DLG2: variants seen among roughly 807,000 people sequenced by gnomAD.
DLG2 encodes discs large MAGUK scaffold protein 2.
DLG2 carries 45 observed loss-of-function variants against 132.5 expected under a neutral mutation model. That is an observed-to-expected ratio of 0.34 (90% CI 0.27 to 0.44). The LOEUF (loss-of-function observed/expected upper bound fraction) is 0.44. Ranked by LOEUF, DLG2 falls within the 20% of genes least tolerant of loss-of-function variation. The pLI is 1.00. For missense variants in DLG2, 1,045 were observed against 1,196.9 expected (o/e 0.87, Z 1.87); for synonymous variants, 424 against 419.6 (o/e 1.01, Z -0.13).
chr11:83,793,502 C>G (rs1566983127), intron 17 of DLG2, among the ~76,000 whole-genome samples: 1 of 152,164 alleles, frequency 6.6e-6, no homozygotes, highest in Non-Finnish European at 1.5e-5. Flanking sequence ...GTTTCCTTTA[C>G]AGCATAAGAT....
At chr11:83,901,255 C>G (rs2073340633) in intron 15 of DLG2, among the ~76,000 whole-genome samples, 2 of 152,096 alleles carry the variant, frequency 1.3e-5, no homozygotes, top group South Asian at 4.1e-4. Context: ...TGAGTTAATA[C>G]TGAAATGAGT....
rs564395830 is a variant in DLG2 at position 85,468,168 on chromosome 11, AT to A, written c.40+130488del. On this transcript the variant is annotated intron_variant, in intron 3 of 27. Transcript: ENST00000376104. ...GATCGATGGTGATATCCCCTTTATCATTTTTTTTTTGCATCTATTTGATTCT... is the reference window on the plus strand; with the variant it reads ...GATCGATGGTGATATCCCCTTTATCATTTTTTTTTGCATCTATTTGATTCT... 3.1e-3 allele frequency among the ~76,000 whole-genome samples: 455 copies of A among 146,286 alleles called. 4 individuals carry two copies. Among genetic ancestry groups the A allele is most frequent in the African/African-American group, 8.0e-3 (320 of 40,090 alleles).
At chr11:84,592,473 T>G (rs1332469470) in intron 6 of DLG2, among the ~76,000 whole-genome samples, 9 of 152,128 alleles carry the variant, frequency 5.9e-5, no homozygotes, top group African/African-American at 2.2e-4. Flanking sequence ...AAATGGGATC[T>G]AATTAAACCA....
intron 6 of DLG2, chr11:84,640,497 G>T: frequency 2.3e-6 from 1 of 441,106 alleles, no homozygotes; most frequent in South Asian, 2.0e-5. Context: ...TAAAAACAAA[G>T]ATATCAGAAA....
chr11:84,851,304 G>C (rs1330279840), intron 6 of DLG2, among the ~76,000 whole-genome samples: 2 of 151,986 alleles, frequency 1.3e-5, no homozygotes, highest in Non-Finnish European at 2.9e-5. Flanking sequence ...CATGCATATT[G>C]TTGCACATAT....
At chr11:84,340,154 A>C (rs574142382) in intron 7 of DLG2, among the ~76,000 whole-genome samples, 1 of 152,280 alleles carries the variant, frequency 6.6e-6, no homozygotes, top group South Asian at 2.1e-4. Flanking sequence ...TATCTAAAGA[A>C]GGCAATATTG....
At chr11:85,340,422 A>G (rs1456018803) in intron 3 of DLG2, among the ~76,000 whole-genome samples, 1 of 146,626 alleles carries the variant, frequency 6.8e-6, no homozygotes. Flanking sequence ...TCTCATTCAT[A>G]TGTGGGAATT....
At chr11:84,571,001 G>A (rs1352318993) in intron 6 of DLG2, among the ~76,000 whole-genome samples, 3 of 152,022 alleles carry the variant, frequency 2.0e-5, no homozygotes, top group African/African-American at 4.8e-5. Flanking sequence ...AGAACAGTTA[G>A]CACTTCTGTT....
At chr11:83,773,845 A>G (rs948158320) in intron 18 of DLG2, among the ~76,000 whole-genome samples, 5 of 152,204 alleles carry the variant, frequency 3.3e-5, no homozygotes, top group African/African-American at 9.7e-5. Flanking sequence ...ACAAAACATG[A>G]TGCTCTCATG....
chr11:85,134,630 T>TGA (rs891830471), intron 5 of DLG2, among the ~76,000 whole-genome samples: 1 of 151,698 alleles, frequency 6.6e-6, no homozygotes, highest in Non-Finnish European at 1.5e-5. Context: ...CATGAATTAT[T>TGA]GAGGTTCTAA....
intron 6 of DLG2, among the ~76,000 whole-genome samples, chr11:84,537,134 C>T (rs1190770793): frequency 6.6e-6 from 1 of 152,092 alleles, no homozygotes; most frequent in East Asian, 1.9e-4. Flanking sequence ...AGACGGACTC[C>T]AGCTCTTGTC....
rs189340538 is a variant in DLG2 at position 83,602,282 on chromosome 11, C to T, written c.1940+30929G>A. Among the ~76,000 whole-genome samples the T allele has an allele frequency of 5.0e-3, 766 of 152,284 alleles. 7 individuals are homozygous for T. The highest frequency in any genetic ancestry group is 7.0e-3 in the Non-Finnish European group (479 of 68,020). ...TTACAAAACACTTAATTGATTTGAC[C>T]CGTGCTCTGACACAACACTTTGCAA... On this transcript the variant is annotated intron_variant, in intron 19 of 27. Transcript: ENST00000376104.
chr11:85,466,577 T>C (rs1043114275), intron 3 of DLG2, among the ~76,000 whole-genome samples: 2 of 152,140 alleles, frequency 1.3e-5, no homozygotes, highest in Admixed American at 1.3e-4. Context: ...ATCCTTTCCC[T>C]ACTTCTTGTT....
intron 6 of DLG2, among the ~76,000 whole-genome samples, chr11:84,987,634 T>A (rs762958247): frequency 5.9e-5 from 9 of 152,164 alleles, no homozygotes; most frequent in Non-Finnish European, 1.3e-4. Context: ...AACCAACTGA[T>A]CTTTGACAAA....
intron 6 of DLG2, among the ~76,000 whole-genome samples, chr11:84,903,590 T>C (rs1329391454): frequency 6.6e-6 from 1 of 152,194 alleles, no homozygotes; most frequent in Admixed American, 6.6e-5. Context: ...TGTACACATA[T>C]AGTGTTATCT....
chr11:83,995,172 T>C (rs1169788985), intron 11 of DLG2, among the ~76,000 whole-genome samples: 2 of 152,072 alleles, frequency 1.3e-5, no homozygotes, highest in Admixed American at 1.3e-4. Context: ...GAAACAAAAA[T>C]ATGAACAGAA....
At chr11:84,714,590 TCTCTTTCTTTCTCTTTCTCTTTCTC>T (rs2060885794) in intron 6 of DLG2, among the ~76,000 whole-genome samples, 2 of 130,846 alleles carry the variant, frequency 1.5e-5, no homozygotes, top group South Asian at 4.8e-4. Context: ...TCTTTCTCTT[TCTCTTTCTTTCTCTTTCTCTTTCTC>T]TTTCTCTTTC....
At chr11:85,042,978 T>C (rs1212013890) in intron 6 of DLG2, among the ~76,000 whole-genome samples, 1 of 151,900 alleles carries the variant, frequency 6.6e-6, no homozygotes, top group East Asian at 1.9e-4. Flanking sequence ...AACTTCTCTA[T>C]AGAATAATTT....
chr11:84,495,289 C>T (rs2099178674), intron 7 of DLG2, among the ~76,000 whole-genome samples: 1 of 152,094 alleles, frequency 6.6e-6, no homozygotes, highest in Non-Finnish European at 1.5e-5. Flanking sequence ...TTAACCTGCT[C>T]TCTCATTTTC....
Sources: allele counts gnomAD v4.1 joint callset (sites outside exome capture counted in the v4.1 genomes callset), GRCh38; gene constraint gnomAD v4.1.1; transcripts MANE v1.5; gene names NCBI Gene and HGNC (gene_info 2026-07-23, HGNC 2026-07-21).